The following MAP4 variants were observed in gnomAD, a reference collection of about 807,000 sequenced individuals.
The protein encoded by MAP4 is microtubule-associated protein 4.
Under a neutral mutation model 170.2 loss-of-function variants are expected in MAP4, and 76 were observed. That is an observed-to-expected ratio of 0.45 (90% CI 0.37 to 0.54). The LOEUF is 0.54. Ranked by LOEUF, MAP4 falls within the 20% of genes least tolerant of loss-of-function variation. The pLI, the probability that MAP4 is intolerant of heterozygous loss-of-function variation, is 0.00. For missense variants in MAP4, 2,506 were observed against 2,748.0 expected, an observed-to-expected ratio of 0.91 and a Z score of 1.97; for synonymous variants, 909 against 994.5, an observed-to-expected ratio of 0.91 and a Z score of 1.62.
intron 2 of MAP4, among the ~76,000 whole-genome samples, chr3:47,992,764 C>T (rs537699521): frequency 2.0e-5 from 3 of 151,872 alleles, no homozygotes; most frequent in Admixed American, 6.6e-5. Context: ...ATTAGCTGGG[C>T]ATGGTAGCAT....
At chr3:47,877,154 G>T (rs1370949304) in intron 11 of MAP4, 1 of 329,330 alleles carries the variant, frequency 3.0e-6, no homozygotes, top group Non-Finnish European at 5.8e-6. Context: ...TGAGATTACA[G>T]GCATGAGCCA....
chr3:47,916,645 C>G lies in MAP4; in HGVS notation c.1182G>C (p.Lys394Asn), dbSNP rs753269640. ...SPIKMDLAPS[K>N]DMGPPKENKI... ...TGTTTTCTTTGGGTGGTCCCATGTC[C>G]TTGGAAGGAGCCAAGTCCATTTTTA... The change falls in exon 7 of 21, where the codon AAG (lysine) becomes AAC (asparagine). Residue 394 changes from lysine to asparagine, a missense_variant. By Grantham distance (94) the Lys-to-Asn change is moderately conservative. Around this residue, in one of 3 missense-constraint regions of MAP4, gnomAD observed 2,008 missense variants for 2,206.0 expected, o/e 0.91. Transcript: ENST00000683076. 33 of 1,614,106 alleles carry G rather than the reference C, an allele frequency of 2.0e-5. No individual in the cohort carries two copies. Among genetic ancestry groups the G allele is most frequent in the Middle Eastern group, 3.3e-4 (2 of 6,084 alleles).
intron 1 of MAP4, among the ~76,000 whole-genome samples, chr3:48,043,456 A>C (rs1209424719): frequency 1.3e-5 from 2 of 151,638 alleles, no homozygotes; most frequent in Non-Finnish European, 2.9e-5. Flanking sequence ...TATCTCAACA[A>C]AACTGTTACC....
chr3:47,912,300 A>G lies in MAP4; in HGVS notation c.2121T>C (p.Pro707=), dbSNP rs2100036343. The part of the protein sequence containing the change: ...RVPPELLGGS[P]PWKTLDHRLG... ...GCCTGTGATCAAGAGTCTTCCATGG[A>G]GGAGAGCCTCCCAGCAGCTCAGGAG... is the stretch of plus-strand genomic sequence containing the variant. Residue 707 remains proline (P), a synonymous_variant, in exon 9 of 21, where the codon CCT becomes CCC. Transcript: ENST00000683076. 5.2e-5 allele frequency: 80 copies of G among 1,535,990 alleles called. No homozygotes were observed. Among genetic ancestry groups the G allele is most frequent in the Non-Finnish European group, 6.8e-5 (78 of 1,146,924 alleles).
chr3:47,916,247 T>C lies in MAP4; in HGVS notation c.1580A>G (p.Glu527Gly). The C allele has an allele frequency of 6.2e-7, 1 of 1,614,200 alleles. No homozygotes were observed. The highest frequency in any genetic ancestry group is 8.5e-7 in the Non-Finnish European group (1 of 1,180,026). Reference protein sequence around the residue: ...GKDVTPPPETEVVLIKNVCLP... With the variant: ...GKDVTPPPETGVVLIKNVCLP... ...ACATACGTTCTTGATGAGAACTACT[T>C]CTGTTTCTGGAGGTGGAGTCACATC... The change falls in exon 7 of 21, where the codon GAA becomes GGA. Residue 527 changes from glutamate to glycine, a missense_variant. This residue lies in a region of MAP4 where 2,008 missense variants were observed against 2,206.0 expected (regional missense o/e 0.91). Coordinates refer to ENST00000683076, the MANE Select transcript of MAP4 (RefSeq NM_001385682.1).
chr3:48,059,080 TACA>T (rs1329506367), intron 1 of MAP4, among the ~76,000 whole-genome samples: 14 of 152,114 alleles, frequency 9.2e-5, no homozygotes, highest in Admixed American at 9.2e-4. Flanking sequence ...TGCCCGGCAT[TACA>T]ACATTATTTT....
rs750259996 is a variant in MAP4 at position 47,875,761 on chromosome 3, G to C, written c.5681C>G (p.Pro1894Arg). The C allele has an allele frequency of 2.5e-6, 4 of 1,613,926 alleles. No individual in the cohort carries two copies. The highest frequency in any genetic ancestry group is 1.3e-5 in the African/African-American group (1 of 74,908). ...GGCAGGGCGTTTGGGTGGGGCAGCT[G>C]GCACTAAGCCTGAAGCAAGGCTCAT... ...KPMSLASGLV[P>R]AAPPKRPAVA... The change falls in exon 12 of 21, where the codon CCA (proline) becomes CGA (arginine). Residue 1894 changes from proline (P) to arginine (R), a missense_variant. Transcript: ENST00000683076.
chr3:47,852,806 G>A lies in MAP4; in HGVS notation c.*128C>T, dbSNP rs540613562. ...CGCTCACTGGTCTAGTGGACAGCCC[G>A]GGAAAGGGGGCCAAGGACCCGGGAG... On this transcript the variant is annotated 3_prime_UTR_variant, in exon 21 of 21. Coordinates refer to ENST00000683076, the MANE Select transcript of MAP4 (RefSeq NM_001385682.1). 28 of 1,549,588 alleles carry A rather than the reference G, an allele frequency of 1.8e-5. No individual in the cohort carries two copies. The African/African-American group carries it at 2.2e-4, about 12-fold the overall frequency.
At chr3:47,966,950 C>CTAT (rs1181735620) in intron 3 of MAP4, among the ~76,000 whole-genome samples, 17 of 152,186 alleles carry the variant, frequency 1.1e-4, no homozygotes, top group Non-Finnish European at 1.2e-4. Context: ...ATTGTTTTGT[C>CTAT]TATTCAGGAG....
At chr3:47,919,699 C>T (rs2100041743) in intron 5 of MAP4, among the ~76,000 whole-genome samples, 1 of 152,076 alleles carries the variant, frequency 6.6e-6, no homozygotes, top group South Asian at 2.1e-4. Flanking sequence ...CCCAGTAGTG[C>T]CATTAATCAA....
rs369479629 is a variant in MAP4, at chr3:47,852,503, G to A, written c.*431C>T. ...TCCAGGTAGATCCAGGGAGAAGGGA[G>A]GGCATGTCAGTTTCTTTTGGGTTTG... On this transcript the variant is annotated 3_prime_UTR_variant, in exon 21 of 21. Transcript: ENST00000683076. 1.3e-4 allele frequency: 54 copies of A among 430,410 alleles called. No homozygotes were observed. In the East Asian group the frequency reaches 1.7e-3, roughly 14 times the overall value. The allele number at this position is 430,410 out of a possible 1,614,324, so 26.7% of individuals were successfully genotyped here.
chr3:47,911,072 CA>C lies in MAP4; in HGVS notation c.3348del (p.Ser1116ArgfsTer6). 1.3e-6 allele frequency: 2 copies of C among 1,536,202 alleles called. No individual in the cohort carries two copies. Among genetic ancestry groups the C allele is most frequent in the Middle Eastern group, 1.7e-4 (1 of 5,990 alleles). On this transcript the variant is annotated frameshift_variant, in exon 9 of 21. Coordinates refer to ENST00000683076, the MANE Select transcript of MAP4 (RefSeq NM_001385682.1). LOFTEE classifies it high-confidence loss of function. The surrounding 1 kb of genome is among the most constrained non-coding windows in gnomAD (Gnocchi z 4.0). ...TTTGAAGAATTCAGCCCCAGCTCCT[CA>C]CTCTTATCCTGAGTAGTCATTCCTT... Reference protein sequence around the residue: ...KTEGMTTQDKSEELGLNSSKQ... With the variant: ...KTEGMTTQDKXEELGLNSSKQ...
chr3:47,987,355 G>A (rs1312935621), intron 2 of MAP4: 5 of 1,505,880 alleles, frequency 3.3e-6, no homozygotes, highest in Non-Finnish European at 4.5e-6. Context: ...AGAGGAAAGA[G>A]GAAAGTTCAG....
chr3:48,005,493 G>T (rs1187446579), intron 1 of MAP4, among the ~76,000 whole-genome samples: 1 of 152,192 alleles, frequency 6.6e-6, no homozygotes, highest in Non-Finnish European at 1.5e-5. Flanking sequence ...ATTGATTTGG[G>T]CCCACTAAGT....
intron 1 of MAP4, among the ~76,000 whole-genome samples, chr3:48,005,999 T>A (rs775304905): frequency 6.6e-6 from 1 of 152,228 alleles, no homozygotes; most frequent in Admixed American, 6.5e-5. Context: ...ATAGTCTGAC[T>A]CATGTAGAGC....
At chr3:48,056,509 C>CG (rs2100131785) in intron 1 of MAP4, among the ~76,000 whole-genome samples, 1 of 75,152 alleles carries the variant, frequency 1.3e-5, no homozygotes, top group African/African-American at 6.8e-5. Context: ...GCCCTCCCCC[C>CG]GGCCAGCCGC....
chr3:47,891,678 G>A, intron 10 of MAP4: 1 of 1,536,346 alleles, frequency 6.5e-7, no homozygotes, highest in Non-Finnish European at 8.7e-7. Context: ...TCCTTATCAT[G>A]GTCTCTGATG....
chr3:47,874,856 A>AC (rs2094739222), intron 12 of MAP4, among the ~76,000 whole-genome samples: 2 of 152,188 alleles, frequency 1.3e-5, no homozygotes, highest in African/African-American at 4.8e-5. Context: ...TTAAATTAAA[A>AC]ACTGACATTT....
intron 10 of MAP4, among the ~76,000 whole-genome samples, chr3:47,885,873 C>G (rs374688801): frequency 9.9e-5 from 15 of 152,054 alleles, no homozygotes; most frequent in Middle Eastern, 3.2e-3. Context: ...GGACTACAGG[C>G]GCCTGCCACC....
Sources: allele counts gnomAD v4.1 joint callset (sites outside exome capture counted in the v4.1 genomes callset), GRCh38; gene constraint gnomAD v4.1.1; regional missense constraint gnomAD v4.1.1; non-coding constraint Gnocchi (gnomAD v3.1); transcripts MANE v1.5; gene names NCBI Gene and HGNC (gene_info 2026-07-23, HGNC 2026-07-21).